DSTYK: variants seen among roughly 807,000 people sequenced by gnomAD.
DSTYK encodes RIP-homologous kinase.
A neutral mutation model predicts 98.7 loss-of-function variants in DSTYK; 34 were observed. The ratio of observed to expected loss-of-function variants is 0.34; its 90% CI spans 0.26 to 0.46. DSTYK has a LOEUF of 0.46. DSTYK is among the 20% of genes least tolerant of loss of function. The pLI, the probability that DSTYK is intolerant of heterozygous loss-of-function variation, is 1.00. For missense variants in DSTYK, 962 were observed against 1,181.7 expected, an observed-to-expected ratio of 0.81 and a Z score of 2.73; for synonymous variants, 462 against 457.3, an observed-to-expected ratio of 1.01 and a Z score of -0.13.
In DSTYK at chr1:205,144,467, A is replaced by C. The variant is rs12037322; in HGVS notation, c.*3091T>G. 0.19 allele frequency: 28,565 copies of C among 152,472 alleles called. 3,439 individuals carry two copies. The highest frequency in any genetic ancestry group is 0.51 in the East Asian group (2,629 of 5,140). The allele number at this position is 152,472 out of a possible 1,614,324, so 9.4% of individuals were successfully genotyped here. On this transcript the variant is annotated 3_prime_UTR_variant, in exon 13 of 13. Transcript: ENST00000367162. The stretch of plus-strand genomic sequence containing the variant: ...TCTTTGAAAACCTAGTGTCCTCCCA[A>C]GTAATATACAATACAGTACATTTCA...
At chr1:205,174,647 C>T (rs1658172884) in intron 2 of DSTYK, among the ~76,000 whole-genome samples, 1 of 150,848 alleles carries the variant, frequency 6.6e-6, no homozygotes, top group Admixed American at 6.6e-5. Flanking sequence ...CACACCACTG[C>T]ACTCTAGCCT....
rs1657215109 is a variant in DSTYK, at chr1:205,145,822, C to T, written c.*1736G>A. 1 of 152,208 alleles carries T rather than the reference C, an allele frequency of 6.6e-6. No individual in the cohort carries two copies. Among genetic ancestry groups the T allele is most frequent in the African/African-American group, 2.4e-5 (1 of 41,462 alleles). The allele number at this position is 152,208 out of a possible 1,614,324, so 9.4% of individuals were successfully genotyped here. A position where few individuals can be genotyped will look rare whatever the true frequency, so the allele number is the denominator to read the frequency against. The stretch of plus-strand genomic sequence containing the variant: ...GGAGACTACTCACTTCCACTGTCTA[C>T]TTCCTCGTCTACCTGTTTTTCGGAA... On this transcript the variant is annotated 3_prime_UTR_variant, in exon 13 of 13. Transcript: ENST00000367162.
chr1:205,154,182 G>C (rs2102385975), intron 10 of DSTYK, among the ~76,000 whole-genome samples: 1 of 151,954 alleles, frequency 6.6e-6, no homozygotes, highest in Middle Eastern at 3.4e-3. Flanking sequence ...TCTTCCATAA[G>C]TTTAACATTT....
chr1:205,164,982 C>G (rs1346325811), intron 3 of DSTYK, among the ~76,000 whole-genome samples: 2 of 152,176 alleles, frequency 1.3e-5, no homozygotes, highest in Non-Finnish European at 2.9e-5. Context: ...ATACAGCCAG[C>G]TTTTGAACCC....
chr1:205,181,767 G>A (rs775218528), intron 2 of DSTYK, among the ~76,000 whole-genome samples: 63 of 149,468 alleles, frequency 4.2e-4, no homozygotes, highest in Admixed American at 1.6e-3. Flanking sequence ...ATGCAGCCTC[G>A]ACCTCCTGGG....
intron 1 of DSTYK, among the ~76,000 whole-genome samples, chr1:205,207,773 A>G (rs1193050578): frequency 3.1e-5 from 3 of 95,970 alleles, no homozygotes; most frequent in African/African-American, 3.3e-5. Context: ...AAAAAAAAAA[A>G]AAAAAAAAAA....
intron 1 of DSTYK, among the ~76,000 whole-genome samples, chr1:205,192,269 C>G (rs148752235): frequency 6.6e-6 from 1 of 152,168 alleles, no homozygotes; most frequent in Non-Finnish European, 1.5e-5. Context: ...TGGTGGCTCA[C>G]GCCTATAATC....
chr1:205,169,245 C>T lies in DSTYK; in HGVS notation c.1242G>A (p.Glu414=), dbSNP rs766500106. ...TCTCAACAATCATATCCTTCATTTCCTCCTGCTTTCGGTTGGCAATATTCA... is the reference window on the plus strand; with the variant it reads ...TCTCAACAATCATATCCTTCATTTCTTCCTGCTTTCGGTTGGCAATATTCA... ...SLMNIANRKQ[E]EMKDMIVETL... is the part of the protein sequence containing the mutation. The change falls in exon 3 of 13, where the codon GAG becomes GAA. Residue 414 remains glutamate (E), a synonymous_variant. Transcript: ENST00000367162. This position sits in a 1 kb window ranked among gnomAD's most constrained non-coding sequence, Gnocchi z 4.0. 2 of 1,614,074 alleles carry T rather than the reference C, an allele frequency of 1.2e-6. No homozygotes were observed. Among genetic ancestry groups the T allele is most frequent in the Non-Finnish European group, 1.7e-6 (2 of 1,180,010 alleles).
rs1314157744 is a variant in DSTYK, at chr1:205,163,940, T to A, written c.1340A>T (p.Glu447Val). Residue 447 changes from glutamate (E) to valine (V), a missense_variant, in exon 4 of 13, where the codon GAG (glutamate) becomes GTG (valine). Transcript: ENST00000367162. ...NMEFKDVIVP[E>V]NGEPVGTREI... The stretch of plus-strand genomic sequence containing the variant: ...TCTGGTGCCTACTGGTTCTCCATTC[T>A]CAGGGACAATGACGTCTATGGAGGC... The A allele has an allele frequency of 7.4e-6, 12 of 1,614,032 alleles. No homozygotes were observed. Among genetic ancestry groups the A allele is most frequent in the Non-Finnish European group, 1.0e-5 (12 of 1,180,004 alleles).
In DSTYK at chr1:205,211,284, G is replaced by A; in HGVS notation, c.252C>T (p.Thr84=). The change falls in exon 1 of 13, where the codon ACC becomes ACT. Residue 84 remains threonine, a synonymous_variant. Coordinates refer to ENST00000367162, the MANE Select transcript of DSTYK (RefSeq NM_015375.3). ...TGCCCTCCTTACCCGCCTGCAGCCC[G>A]GTTTCGGCGACATCGCCTGCAGGGC... is the stretch of plus-strand genomic sequence containing the variant. ...ERGPAGDVAE[T]GLQAGQLSCI... 2.5e-6 allele frequency: 4 copies of A among 1,607,298 alleles called. No homozygotes were observed. Among genetic ancestry groups the A allele is most frequent in the South Asian group, 2.2e-5 (2 of 90,268 alleles).
At chr1:205,182,731 G>A (rs1473334012) in intron 2 of DSTYK, among the ~76,000 whole-genome samples, 2 of 151,826 alleles carry the variant, frequency 1.3e-5, no homozygotes, top group Non-Finnish European at 2.9e-5. Flanking sequence ...GCTTGAACCT[G>A]GGAGGCAGAG....
intron 1 of DSTYK, among the ~76,000 whole-genome samples, chr1:205,210,805 C>T (rs757881931): frequency 3.9e-5 from 6 of 152,248 alleles, no homozygotes; most frequent in Non-Finnish European, 8.8e-5. Context: ...TCATCAAACC[C>T]ACACACCCGA....
chr1:205,151,693 CTTT>C (rs34595009), intron 10 of DSTYK, among the ~76,000 whole-genome samples: 1 of 46,878 alleles, frequency 2.1e-5, no homozygotes, highest in African/African-American at 3.9e-5. Context: ...TATAGGCTTT[CTTT>C]TTTTTTTTTT....
Position 205,145,620 on chromosome 1 carries a change from C to T in DSTYK, c.*1938G>A, listed in dbSNP as rs141333991. On this transcript the variant is annotated 3_prime_UTR_variant, in exon 13 of 13. Coordinates refer to ENST00000367162, the MANE Select transcript of DSTYK (RefSeq NM_015375.3). ...CTCGGCTCACCATGACCTCTGCCTC[C>T]CGGGTTCAAGTGATTCTCCTGCCTC... 0.012 allele frequency: 1,889 copies of T among 151,502 alleles called. 18 individuals are homozygous for T. The highest frequency in any genetic ancestry group is 0.05 in the Middle Eastern group (15 of 298). The allele number at this position is 151,502 out of a possible 1,614,324, so 9.4% of individuals were successfully genotyped here.
rs1462853837 is a variant in DSTYK, at chr1:205,194,520, C to T, written c.266-6714G>A. On this transcript the variant is annotated intron_variant, in intron 1 of 12. Transcript: ENST00000367162. ...GTTCCTGGTACCCAAGGATTTCCCT[C>T]CTTCAGTAGTTTTAAAAATCTCACT... Among the ~76,000 whole-genome samples the T allele has an allele frequency of 4.0e-5, 6 of 150,468 alleles. No individual in the cohort carries two copies. In the Admixed American group the frequency reaches 4.0e-4, roughly 10 times the overall value.
At chr1:205,187,207 G>A (rs1464368542) in intron 2 of DSTYK, among the ~76,000 whole-genome samples, 1 of 152,170 alleles carries the variant, frequency 6.6e-6, no homozygotes, top group Non-Finnish European at 1.5e-5. Context: ...AAACTACTCA[G>A]GGCCTTGCAG....
chr1:205,211,368 C>G lies in DSTYK; in HGVS notation c.168G>C (p.Lys56Asn), dbSNP rs2102496210. 6.2e-7 allele frequency: 1 copy of G among 1,612,680 alleles called. No individual in the cohort carries two copies. The highest frequency in any genetic ancestry group is 2.2e-5 in the East Asian group (1 of 44,798). Residue 56 changes from lysine (K) to asparagine (N), a missense_variant, in exon 1 of 13, where the codon AAG (lysine) becomes AAC (asparagine). By Grantham distance (94) the Lys-to-Asn change is moderately conservative. Around this residue, in one of 4 missense-constraint regions of DSTYK, gnomAD observed 168 missense variants for 120.0 expected, o/e 1.40. Coordinates refer to ENST00000367162, the MANE Select transcript of DSTYK (RefSeq NM_015375.3). ...AGAGACAAGTGTGGTTGTGGGAGCA[C>G]TTGATGTCGCGGAAGAACTTCTGGG... is the stretch of plus-strand genomic sequence containing the variant. ...RETQKFFRDI[K>N]CSHNHTCLSS...
At chr1:205,203,641 C>T (rs994347074) in intron 1 of DSTYK, among the ~76,000 whole-genome samples, 1 of 150,822 alleles carries the variant, frequency 6.6e-6, no homozygotes, top group Non-Finnish European at 1.5e-5. Flanking sequence ...ACCAGCTGGG[C>T]AAGGTGGCTC....
intron 1 of DSTYK, among the ~76,000 whole-genome samples, chr1:205,203,368 G>C (rs1659099426): frequency 6.7e-6 from 1 of 150,096 alleles, no homozygotes; most frequent in African/African-American, 2.5e-5. Context: ...TGCAGTCCCA[G>C]CTACTTGGGA....
Sources: gnomAD v4.1 joint callset for allele counts (sites outside exome capture counted in the v4.1 genomes callset) on GRCh38, gnomAD v4.1.1 for gene constraint, gnomAD v4.1.1 regional missense constraint, Gnocchi (gnomAD v3.1) non-coding constraint, MANE v1.5 for transcripts, NCBI Gene and HGNC (gene_info 2026-07-23, HGNC 2026-07-21) for gene names.